Variants in TBC1D15 observed in about 807,000 individuals in gnomAD.
TBC1D15 encodes the protein TBC1 domain family member 15, also known as GAP for RAB7.
TBC1D15 carries 39 observed loss-of-function variants against 95.4 expected under a neutral mutation model. The ratio of observed to expected loss-of-function variants is 0.41; its 90% CI spans 0.32 to 0.53. The LOEUF (loss-of-function observed/expected upper bound fraction) is 0.53. Among genes scored for constraint, TBC1D15 ranks in the 20% least tolerant of loss-of-function variants. The pLI, the probability that TBC1D15 is intolerant of heterozygous loss-of-function variation, is 0.29. For synonymous variants in TBC1D15, 258 were observed against 261.3 expected (o/e 0.99, Z 0.12); for missense variants, 733 against 794.3 (o/e 0.92, Z 0.93).
chr12:71,875,062 C>T (rs1158701432), intron 3 of TBC1D15, among the ~76,000 whole-genome samples: 1 of 152,120 alleles, frequency 6.6e-6, no homozygotes, highest in East Asian at 1.9e-4. Flanking sequence ...CCTCAGCCTC[C>T]CAAATAGCTG....
chr12:71,840,276 G>A (rs1884621904), intron 1 of TBC1D15, among the ~76,000 whole-genome samples: 2 of 152,294 alleles, frequency 1.3e-5, no homozygotes, highest in African/African-American at 4.8e-5. Context: ...TAGATGCTAG[G>A]CAGCTAGCTG....
At chr12:71,875,582 A>T (rs1309780144) in intron 3 of TBC1D15, among the ~76,000 whole-genome samples, 1 of 151,624 alleles carries the variant, frequency 6.6e-6, no homozygotes, top group African/African-American at 2.4e-5. Context: ...CTTCCACATC[A>T]AGTCTCCATC....
Position 71,875,267 on chromosome 12 carries a change from C to T in TBC1D15, c.204+2264C>T, listed in dbSNP as rs369915698. Among the ~76,000 whole-genome samples the T allele has an allele frequency of 2.0e-5, 3 of 152,146 alleles. No individual in the cohort carries two copies. The East Asian group carries it at 5.8e-4, about 29-fold the overall frequency. Reference sequence around the variant, plus strand: ...GAGTTGTAAGAATTCTTTATATATTCTGGATATAAATTTCTCATCAGATGT... The same window carrying T: ...GAGTTGTAAGAATTCTTTATATATTTTGGATATAAATTTCTCATCAGATGT... On this transcript the variant is annotated intron_variant, in intron 3 of 16. Transcript: ENST00000485960.
intron 1 of TBC1D15, among the ~76,000 whole-genome samples, chr12:71,845,900 A>G (rs1217650406): frequency 6.6e-6 from 1 of 152,188 alleles, no homozygotes; most frequent in Non-Finnish European, 1.5e-5. Context: ...TAAAAATTAT[A>G]ATAATCATAA....
intron 14 of TBC1D15, 30 bp downstream of exon 14, chr12:71,918,578 ATATT>A: frequency 7.6e-7 from 1 of 1,322,702 alleles, no homozygotes; most frequent in African/African-American, 1.5e-5. Flanking sequence ...TGCAAATGTG[ATATT>A]TATTATGAAA....
At chr12:71,878,791 A>C (rs1453118168) in intron 3 of TBC1D15, among the ~76,000 whole-genome samples, 1 of 151,696 alleles carries the variant, frequency 6.6e-6, no homozygotes, top group Non-Finnish European at 1.5e-5. Flanking sequence ...TGCTGGGATT[A>C]CAGGCATGAG....
chr12:71,843,591 A>G (rs553627245), intron 1 of TBC1D15, among the ~76,000 whole-genome samples: 35 of 152,042 alleles, frequency 2.3e-4, no homozygotes, highest in Admixed American at 3.3e-4. Context: ...AGTACCTCCT[A>G]TGTGCTGAGT....
In TBC1D15 at chr12:71,913,530, C is replaced by G. The variant is rs980267298; in HGVS notation, c.1301-296C>G. On this transcript the variant is annotated intron_variant, in intron 11 of 16. Transcript: ENST00000485960. Reference sequence around the variant, plus strand: ...CACCCCTCTTCTTTCTCATGATGCTCTTGCACATTATTTTTAAAAATATTA... The same window carrying G: ...CACCCCTCTTCTTTCTCATGATGCTGTTGCACATTATTTTTAAAAATATTA... The G allele has an allele frequency of 1.5e-5, 4 of 262,442 alleles. No homozygotes were observed. In the South Asian group the frequency reaches 1.9e-4, roughly 12 times the overall value. The allele number at this position is 262,442 out of a possible 1,614,324, so 16.3% of individuals were successfully genotyped here. A position where few individuals can be genotyped will look rare whatever the true frequency, so the allele number is the denominator to read the frequency against.
intron 1 of TBC1D15, among the ~76,000 whole-genome samples, chr12:71,858,122 G>A (rs1267708404): frequency 2.0e-5 from 3 of 151,976 alleles, no homozygotes; most frequent in Non-Finnish European, 4.4e-5. Context: ...GCCCAGGCTG[G>A]AGTGCAGTGG....
chr12:71,845,293 A>G (rs911406163), intron 1 of TBC1D15, among the ~76,000 whole-genome samples: 1 of 152,212 alleles, frequency 6.6e-6, no homozygotes, highest in Admixed American at 6.5e-5. Flanking sequence ...GTGGTTATAC[A>G]TTATGCACCT....
intron 11 of TBC1D15, among the ~76,000 whole-genome samples, chr12:71,912,708 G>A (rs1490357870): frequency 5.9e-5 from 9 of 152,096 alleles, no homozygotes; most frequent in African/African-American, 1.4e-4. Flanking sequence ...CTTCAGTGCA[G>A]ATAGATTTTG....
rs141737660 is a variant in TBC1D15 at position 71,859,252 on chromosome 12, G to C, written c.31-12818G>C. Among the ~76,000 whole-genome samples, 32 of 152,164 alleles carry C rather than the reference G, an allele frequency of 2.1e-4. No homozygotes were observed. The East Asian group carries it at 5.8e-3, about 28-fold the overall frequency. Reference sequence around the variant, plus strand: ...ATAAACTTCCTGTATGTCTTCTTTTGAGAGATACCTATTTAGCTTATTTGC... The same window carrying C: ...ATAAACTTCCTGTATGTCTTCTTTTCAGAGATACCTATTTAGCTTATTTGC... On this transcript the variant is annotated intron_variant, in intron 1 of 16. Transcript: ENST00000485960.
intron 9 of TBC1D15, 63 bp downstream of exon 9, chr12:71,896,843 T>C: frequency 3.1e-6 from 4 of 1,272,178 alleles, no homozygotes; most frequent in Non-Finnish European, 4.4e-6. Context: ...TACAAATTAG[T>C]ATAGGGTTTC....
intron 1 of TBC1D15, chr12:71,849,129 AAAT>A (rs2137888031): frequency 8.5e-6 from 2 of 234,266 alleles, no homozygotes; most frequent in East Asian, 1.8e-4. Context: ...CCATACAAGA[AAAT>A]AATAAAAGTA....
Position 71,907,043 on chromosome 12 carries a change from A to T in TBC1D15, c.1205A>T (p.Asp402Val), listed in dbSNP as rs761155983. 5 of 1,609,338 alleles carry T rather than the reference A, an allele frequency of 3.1e-6. No individual in the cohort carries two copies. The Admixed American group carries it at 8.4e-5, about 27-fold the overall frequency. The stretch of plus-strand genomic sequence containing the variant: ...TCAGAAAAAGATGTTAACAGAACAG[A>T]TCGAACAAACAAGTTTTATGAAGGC... Reference protein sequence around the residue: ...SLIEKDVNRTDRTNKFYEGQD... With the variant: ...SLIEKDVNRTVRTNKFYEGQD... Residue 402 changes from aspartate (D) to valine (V), a missense_variant, in exon 11 of 17, where the codon GAT becomes GTT. By Grantham distance (152) the Asp-to-Val change is radical. Coordinates refer to ENST00000485960, the MANE Select transcript of TBC1D15 (RefSeq NM_001146213.3).
In TBC1D15 at chr12:71,923,413, C is replaced by T; in HGVS notation, c.*209C>T. On this transcript the variant is annotated 3_prime_UTR_variant, in exon 17 of 17. Coordinates refer to ENST00000485960, the MANE Select transcript of TBC1D15 (RefSeq NM_001146213.3). ...CCAAATAGCCTTTCCTTTTCGATAA[C>T]ATTCCTCAGTATTTTTATAGCCAAG... 6.2e-6 allele frequency: 3 copies of T among 487,266 alleles called. No homozygotes were observed. In the South Asian group the frequency reaches 1.1e-4, roughly 18 times the overall value. The allele number at this position is 487,266 out of a possible 1,614,324, so 30.2% of individuals were successfully genotyped here.
At chr12:71,891,702 T>C (rs1897233071) in intron 5 of TBC1D15, among the ~76,000 whole-genome samples, 1 of 152,096 alleles carries the variant, frequency 6.6e-6, no homozygotes, top group Admixed American at 6.6e-5. Flanking sequence ...CACACAACAA[T>C]AGTTATGAGA....
chr12:71,884,723 A>C, intron 4 of TBC1D15, 88 bp from the exon 5 acceptor site: 1 of 1,250,016 alleles, frequency 8.0e-7, no homozygotes, highest in African/African-American at 1.5e-5. Context: ...GGGTTCAACT[A>C]ATTTATGTTA....
At chr12:71,849,326 C>A in intron 1 of TBC1D15, 1 of 1,179,034 alleles carries the variant, frequency 8.5e-7, no homozygotes. Context: ...GGTAAGGAGG[C>A]TATCATAGGA....
Sources: gnomAD v4.1 joint callset for allele counts (sites outside exome capture counted in the v4.1 genomes callset) on GRCh38, gnomAD v4.1.1 for gene constraint, MANE v1.5 for transcripts, NCBI Gene and HGNC (gene_info 2026-07-23, HGNC 2026-07-21) for gene names.